DNAH11: variants seen among roughly 807,000 people sequenced by gnomAD.
The protein encoded by DNAH11 is dynein axonemal heavy chain 11, also known as axonemal beta dynein heavy chain 11.
Under a neutral mutation model 526.0 loss-of-function variants are expected in DNAH11, and 442 were observed. That is an observed-to-expected ratio of 0.84 (90% CI 0.78 to 0.91). The LOEUF is 0.91. Ranked by LOEUF, DNAH11 falls within the 40% of genes least tolerant of loss-of-function variation. The pLI, the probability that DNAH11 is intolerant of heterozygous loss-of-function variation, is 0.00. For missense variants in DNAH11, 6,989 were observed against 5,448.7 expected (o/e 1.28, Z -8.90); for synonymous variants, 2,461 against 1,935.9 (o/e 1.27, Z -7.12).
intron 44 of DNAH11, 27 bp from the exon 45 acceptor site, chr7:21,725,783 CA>C: frequency 6.3e-7 from 1 of 1,587,864 alleles, no homozygotes; most frequent in Non-Finnish European, 8.6e-7. Context: ...TTTGAGTCTG[CA>C]ATAAGGATTT....
At chr7:21,614,653 A>G (rs1004503751) in intron 20 of DNAH11, among the ~76,000 whole-genome samples, 1 of 152,184 alleles carries the variant, frequency 6.6e-6, no homozygotes, top group Non-Finnish European at 1.5e-5. Flanking sequence ...TTATTTCACA[A>G]ATTCTCTTGA....
intron 65 of DNAH11, 30 bp downstream of exon 65, chr7:21,818,369 A>G (rs368416303): frequency 2.2e-5 from 35 of 1,592,524 alleles, no homozygotes; most frequent in Non-Finnish European, 2.7e-5. Flanking sequence ...TAACATATAT[A>G]TCTTGCTAAA....
chr7:21,865,470 T>C (rs1473679389), intron 70 of DNAH11, among the ~76,000 whole-genome samples: 1 of 152,078 alleles, frequency 6.6e-6, no homozygotes, highest in East Asian at 1.9e-4. Flanking sequence ...GTTTTCATAG[T>C]ATGGGCAAGA....
chr7:21,754,884 C>T (rs1323955447), intron 54 of DNAH11, among the ~76,000 whole-genome samples: 1 of 152,100 alleles, frequency 6.6e-6, no homozygotes, highest in East Asian at 1.9e-4. Flanking sequence ...GTATGTTACC[C>T]CCACATCCTT....
intron 14 of DNAH11, among the ~76,000 whole-genome samples, chr7:21,594,676 C>T (rs546366515): frequency 8.6e-5 from 13 of 152,014 alleles, no homozygotes; most frequent in African/African-American, 2.7e-4. Flanking sequence ...GTGTTCCAGG[C>T]AGAGGAGATA....
intron 61 of DNAH11, among the ~76,000 whole-genome samples, chr7:21,792,992 C>T (rs1310355525): frequency 6.6e-6 from 1 of 151,960 alleles, no homozygotes; most frequent in Non-Finnish European, 1.5e-5. Context: ...GTTTATTTTT[C>T]TATGTAGGCA....
In DNAH11 at chr7:21,545,124, G is replaced by C. The variant is rs185011953; in HGVS notation, c.470G>C (p.Gly157Ala). The change falls in exon 2 of 82, where the codon GGA (glycine) becomes GCA (alanine). Residue 157 changes from glycine to alanine, a missense_variant. Physicochemically the swap from Gly to Ala is moderately conservative, Grantham distance 60. Transcript: ENST00000409508. The part of the protein sequence containing the change: ...LFGELPALSL[G>A]HVSAFLDEIL... ...GGAGAGTTACCTGCGTTGTCTCTTG[G>C]ACATGTATCTGCTTTCCTTGATGAG... The C allele has an allele frequency of 6.2e-7, 1 of 1,610,530 alleles. No homozygotes were observed. The highest frequency in any genetic ancestry group is 1.3e-5 in the African/African-American group (1 of 74,902).
At chr7:21,599,180 G>A (rs117267075) in intron 14 of DNAH11, among the ~76,000 whole-genome samples, 6,114 of 152,236 alleles carry the variant, frequency 0.04, 136 homozygotes, top group South Asian at 0.062. Flanking sequence ...CACAGTGGTT[G>A]AACTAATTAA....
At chr7:21,785,703 A>G (rs1788143235) in intron 58 of DNAH11, among the ~76,000 whole-genome samples, 1 of 148,980 alleles carries the variant, frequency 6.7e-6, no homozygotes, top group Admixed American at 6.8e-5. Flanking sequence ...GTGTATATGT[A>G]TAAGTTATAA....
At chr7:21,774,897 C>T (rs1368397131) in intron 56 of DNAH11, among the ~76,000 whole-genome samples, 1 of 152,146 alleles carries the variant, frequency 6.6e-6, no homozygotes, top group Non-Finnish European at 1.5e-5. Context: ...TACTGGTGGC[C>T]TTCTCAGAGT....
intron 74 of DNAH11, among the ~76,000 whole-genome samples, chr7:21,877,931 C>T (rs965875969): frequency 2.1e-5 from 3 of 144,664 alleles, no homozygotes; most frequent in Non-Finnish European, 4.5e-5. Flanking sequence ...TAAAGGAGTA[C>T]TCTTTTGGCT....
At chr7:21,586,263 T>G (rs1192239000) in intron 9 of DNAH11, among the ~76,000 whole-genome samples, 1 of 152,228 alleles carries the variant, frequency 6.6e-6, no homozygotes, top group Non-Finnish European at 1.5e-5. Context: ...AAAATAATGT[T>G]GTGAAATAAA....
intron 15 of DNAH11, 94 bp from the exon 16 acceptor site, chr7:21,600,582 C>A: frequency 7.7e-7 from 1 of 1,305,954 alleles, no homozygotes; most frequent in Non-Finnish European, 1.0e-6. Flanking sequence ...AACTACTCTC[C>A]CTTTGAAGAA....
chr7:21,858,966 C>CT (rs1253150178), intron 68 of DNAH11, among the ~76,000 whole-genome samples: 1 of 152,152 alleles, frequency 6.6e-6, no homozygotes, highest in African/African-American at 2.4e-5. Context: ...AAATCTGAAA[C>CT]TTTTTGAATG....
chr7:21,868,810 C>G, intron 72 of DNAH11, 54 bp from the exon 73 acceptor site: 2 of 1,605,304 alleles, frequency 1.2e-6, no homozygotes, highest in Non-Finnish European at 1.7e-6. Context: ...ATTCCAGGCT[C>G]CTCTCACCCT....
chr7:21,597,885 G>A (rs1784924732), intron 14 of DNAH11, among the ~76,000 whole-genome samples: 1 of 152,212 alleles, frequency 6.6e-6, no homozygotes, highest in Non-Finnish European at 1.5e-5. Flanking sequence ...CAGGGCAGCT[G>A]TGTATACTTT....
chr7:21,624,698 C>G (rs990953570), intron 25 of DNAH11, among the ~76,000 whole-genome samples: 1 of 152,044 alleles, frequency 6.6e-6, no homozygotes, highest in East Asian at 1.9e-4. Flanking sequence ...CATGTTCAGC[C>G]TTTATTGTGC....
intron 43 of DNAH11, among the ~76,000 whole-genome samples, chr7:21,718,780 T>G (rs368309519): frequency 6.6e-6 from 1 of 152,156 alleles, no homozygotes; most frequent in South Asian, 2.1e-4. Context: ...TTTGTTACCA[T>G]TAAGTGAGTG....
chr7:21,706,651 A>G (rs1447507087), intron 39 of DNAH11, among the ~76,000 whole-genome samples: 1 of 152,186 alleles, frequency 6.6e-6, no homozygotes, highest in East Asian at 1.9e-4. Context: ...TAATATTCCT[A>G]AGGCATTTAC....
Sources: gnomAD v4.1 joint callset for allele counts (sites outside exome capture counted in the v4.1 genomes callset) on GRCh38, gnomAD v4.1.1 for gene constraint, MANE v1.5 for transcripts, NCBI Gene and HGNC (gene_info 2026-07-23, HGNC 2026-07-21) for gene names.